The following PROCR variants were observed in gnomAD, a reference collection of about 807,000 sequenced individuals.
PROCR encodes the protein endothelial protein C receptor.
In PROCR, 22 loss-of-function variants were observed where a neutral mutation model predicts 24.2. That is an observed-to-expected ratio of 0.91 (90% CI 0.65 to 1.30). The LOEUF (loss-of-function observed/expected upper bound fraction) is 1.30. PROCR is among the 50% of genes most tolerant of loss of function. The probability of loss-of-function intolerance (pLI) is 0.00; values close to 1 mark genes in which losing one functional copy is unlikely to be tolerated. For synonymous variants in PROCR, 137 were observed against 139.2 expected, an observed-to-expected ratio of 0.98 and a Z score of 0.11; for missense variants, 288 against 307.7, an observed-to-expected ratio of 0.94 and a Z score of 0.48.
intron 1 of PROCR, among the ~76,000 whole-genome samples, chr20:35,200,745 C>T (rs2060315331): frequency 6.6e-6 from 1 of 152,142 alleles, no homozygotes; most frequent in East Asian, 1.9e-4. Flanking sequence ...CTCCTGGGTT[C>T]CAGCGATTCT....
chr20:35,211,459 G>T (rs1365894996), intron 1 of PROCR, among the ~76,000 whole-genome samples: 2 of 152,164 alleles, frequency 1.3e-5, no homozygotes, highest in East Asian at 3.8e-4. Context: ...CCAGTCATCA[G>T]GACCTGCTGG....
chr20:35,198,960 C>T (rs530444053), intron 1 of PROCR, among the ~76,000 whole-genome samples: 2 of 152,094 alleles, frequency 1.3e-5, no homozygotes, highest in Non-Finnish European at 2.9e-5. Context: ...ATGATCTGCC[C>T]GCCTCATCCT....
chr20:35,202,897 A>G (rs1403591336), intron 1 of PROCR: 5 of 152,226 alleles, frequency 3.3e-5, no homozygotes, highest in Admixed American at 3.3e-4. Flanking sequence ...AACAGAATAC[A>G]TATTCTTTCC....
At chr20:35,182,687 G>A (rs939849794) in intron 1 of PROCR, among the ~76,000 whole-genome samples, 1 of 152,068 alleles carries the variant, frequency 6.6e-6, no homozygotes, top group African/African-American at 2.4e-5. Context: ...AAAATGTGAT[G>A]TTATGTGGCC....
intron 1 of PROCR, among the ~76,000 whole-genome samples, chr20:35,199,618 G>T (rs1215980855): frequency 6.6e-6 from 1 of 152,014 alleles, no homozygotes; most frequent in African/African-American, 2.4e-5. Context: ...GCATGGTGGT[G>T]GGCGCCTGTA....
At chr20:35,173,318 G>A (rs1444179077) in intron 1 of PROCR, among the ~76,000 whole-genome samples, 1 of 151,822 alleles carries the variant, frequency 6.6e-6, no homozygotes, top group Non-Finnish European at 1.5e-5. Flanking sequence ...GGTGGTCTGG[G>A]ATCACTGAAA....
At chr20:35,196,886 A>G (rs904457148) in intron 1 of PROCR, among the ~76,000 whole-genome samples, 2 of 152,220 alleles carry the variant, frequency 1.3e-5, no homozygotes, top group African/African-American at 2.4e-5. Flanking sequence ...ACAGTCTAGG[A>G]GAGTTTCAAT....
chr20:35,197,261 AC>A (rs2146169299), intron 1 of PROCR, among the ~76,000 whole-genome samples: 1 of 152,210 alleles, frequency 6.6e-6, no homozygotes, highest in Non-Finnish European at 1.5e-5. Flanking sequence ...CTTAGCCCAA[AC>A]TTTTTCATTA....
chr20:35,205,870 CATGTATAT>C (rs1234414248), intron 1 of PROCR, among the ~76,000 whole-genome samples: 18 of 138,170 alleles, frequency 1.3e-4, no homozygotes, highest in Middle Eastern at 3.8e-3. Flanking sequence ...CATATGTATA[CATGTATAT>C]ATGTATATAT....
At chr20:35,180,612 C>G (rs1365572622), downstream of PROCR, among the ~76,000 whole-genome samples, 3 of 151,574 alleles carry the variant, frequency 2.0e-5, no homozygotes, top group African/African-American at 7.3e-5. Flanking sequence ...CTTCTTCCCC[C>G]TGGTAAGCAT....
At chr20:35,194,188 G>C (rs2086196649) in intron 1 of PROCR, among the ~76,000 whole-genome samples, 1 of 152,164 alleles carries the variant, frequency 6.6e-6, no homozygotes, top group South Asian at 2.1e-4. Flanking sequence ...TAATTAGAAT[G>C]AGCTCAAGAA....
exon 2 of PROCR, chr20:35,216,239 T>C (rs1464071231): frequency 6.6e-6 from 1 of 152,192 alleles, no homozygotes; most frequent in Admixed American, 6.6e-5. Flanking sequence ...ATAAAGAATG[T>C]CACTCTTCCT....
upstream of PROCR, among the ~76,000 whole-genome samples, chr20:35,171,275 C>G (rs2085948512): frequency 6.6e-6 from 1 of 152,166 alleles, no homozygotes; most frequent in South Asian, 2.1e-4. Flanking sequence ...CATACACACA[C>G]AAAACCAAAG....
intron 1 of PROCR, among the ~76,000 whole-genome samples, chr20:35,183,401 G>C (rs75662404): frequency 6.6e-6 from 1 of 152,044 alleles, no homozygotes; most frequent in Non-Finnish European, 1.5e-5. Context: ...CCTCTTTCTT[G>C]CTTCCTTCTG....
At chr20:35,172,362 A>G in intron 1 of PROCR, 138 bp downstream of exon 1, 1 of 1,123,588 alleles carries the variant, frequency 8.9e-7, no homozygotes, top group East Asian at 2.5e-5. Flanking sequence ...CAGGGCAGGC[A>G]GAGTCTTGGG....
At chr20:35,206,658 G>C (rs944515007) in intron 1 of PROCR, among the ~76,000 whole-genome samples, 1 of 151,816 alleles carries the variant, frequency 6.6e-6, no homozygotes, top group Non-Finnish European at 1.5e-5. Context: ...CCACAGTAAG[G>C]TATGTCTATA....
At chr20:35,211,386 C>T (rs1475374109) in intron 1 of PROCR, among the ~76,000 whole-genome samples, 1 of 152,116 alleles carries the variant, frequency 6.6e-6, no homozygotes, top group African/African-American at 2.4e-5. Flanking sequence ...TTTTCAGGTC[C>T]AGGTACCTCC....
rs145468687 is a variant in PROCR at position 35,176,340 on chromosome 20, G to C, written c.495G>C (p.Leu165=). Residue 165 remains leucine, a synonymous_variant, in exon 3 of 4, where the codon CTG becomes CTC. Transcript: ENST00000216968. ...QVTSGVVTFT[L]QQLNAYNRTR... is the part of the protein sequence containing the mutation. ...CCTCCGGAGTGGTCACCTTCACCCT[G>C]CAGCAGCTCAATGCCTACAACCGCA... 3.1e-6 allele frequency: 5 copies of C among 1,614,104 alleles called. No homozygotes were observed. In the African/African-American group the frequency reaches 5.3e-5, roughly 17 times the overall value.
chr20:35,210,324 T>C (rs1400670363), intron 1 of PROCR, among the ~76,000 whole-genome samples: 1 of 152,148 alleles, frequency 6.6e-6, no homozygotes, highest in Non-Finnish European at 1.5e-5. Flanking sequence ...ATGGGAGAAC[T>C]GTTTGAGCTT....
Sources: gnomAD v4.1 joint callset for allele counts (sites outside exome capture counted in the v4.1 genomes callset) on GRCh38, gnomAD v4.1.1 for gene constraint, MANE v1.5 for transcripts, NCBI Gene and HGNC (gene_info 2026-07-23, HGNC 2026-07-21) for gene names.